Variants in GRM1 observed in about 807,000 individuals in gnomAD.
GRM1 encodes the protein glutamate metabotropic receptor 1.
A neutral mutation model predicts 90.9 loss-of-function variants in GRM1; 33 were observed. The observed-to-expected ratio is 0.36, with a 90% CI of 0.28 to 0.49. The LOEUF (loss-of-function observed/expected upper bound fraction) is 0.49. GRM1 is among the 20% of genes least tolerant of loss of function. The pLI, the probability that GRM1 is intolerant of heterozygous loss-of-function variation, is 0.99. For synonymous variants in GRM1, 700 were observed against 613.2 expected, an observed-to-expected ratio of 1.14 and a Z score of -2.09; for missense variants, 1,190 against 1,534.3, an observed-to-expected ratio of 0.78 and a Z score of 3.75.
chr6:146,145,541 T>C lies in GRM1; in HGVS notation c.701-13807T>C, dbSNP rs141404737. On this transcript the variant is annotated intron_variant, in intron 1 of 7. Transcript: ENST00000282753. ...CAGCTTGCACTGCAGCTCTGGTAAA[T>C]ATAAGTTGTAAACTTTGGTGGCGTC... 2.6e-3 allele frequency among the ~76,000 whole-genome samples: 391 copies of C among 152,284 alleles called. 4 individuals are homozygous for C. The highest frequency in any genetic ancestry group is 8.6e-3 in the African/African-American group (359 of 41,564).
chr6:146,274,684 A>G (rs774239784), intron 2 of GRM1, among the ~76,000 whole-genome samples: 4 of 152,196 alleles, frequency 2.6e-5, no homozygotes, highest in Non-Finnish European at 5.9e-5. Flanking sequence ...TATTTATCTC[A>G]TTTCAATGAT....
intron 2 of GRM1, among the ~76,000 whole-genome samples, chr6:146,247,234 G>A (rs1781091733): frequency 6.6e-6 from 1 of 152,106 alleles, no homozygotes; most frequent in East Asian, 1.9e-4. Flanking sequence ...AAATTCTCTG[G>A]GGAGGGAGGC....
intron 1 of GRM1, among the ~76,000 whole-genome samples, chr6:146,126,402 T>C (rs1029209864): frequency 1.3e-5 from 2 of 152,134 alleles, no homozygotes; most frequent in Non-Finnish European, 2.9e-5. Context: ...TGCACATATA[T>C]TTGTATACAA....
chr6:146,363,857 T>C (rs944999644), intron 5 of GRM1, among the ~76,000 whole-genome samples: 8 of 152,174 alleles, frequency 5.3e-5, no homozygotes, highest in African/African-American at 1.9e-4. Flanking sequence ...TGTCCAAATA[T>C]AGGATAACAA....
intron 1 of GRM1, among the ~76,000 whole-genome samples, chr6:146,115,181 G>A (rs953095793): frequency 4.0e-5 from 6 of 151,356 alleles, no homozygotes; most frequent in Non-Finnish European, 5.9e-5. Flanking sequence ...ATCTTAAAAT[G>A]CTCATAAGAA....
intron 6 of GRM1, 91 bp from the exon 7 acceptor site, chr6:146,398,677 CA>C: frequency 1.1e-6 from 1 of 876,618 alleles, no homozygotes; most frequent in East Asian, 2.4e-5. Flanking sequence ...ATGAAGGATG[CA>C]AAGATGACTG....
chr6:146,430,091 G>C (rs1446687544), intron 7 of GRM1, among the ~76,000 whole-genome samples: 1 of 152,138 alleles, frequency 6.6e-6, no homozygotes, highest in Non-Finnish European at 1.5e-5. Flanking sequence ...GATGTAACTA[G>C]TACTTACTGA....
intron 2 of GRM1, chr6:146,171,675 A>G: frequency 3.5e-6 from 1 of 285,864 alleles, no homozygotes; most frequent in East Asian, 1.0e-4. Flanking sequence ...GATGACTGGC[A>G]ACAACTAGAG....
chr6:146,322,924 A>C (rs1784252357), intron 3 of GRM1, among the ~76,000 whole-genome samples: 1 of 152,168 alleles, frequency 6.6e-6, no homozygotes, highest in Non-Finnish European at 1.5e-5. Flanking sequence ...CCTACAAAGG[A>C]CATGAACTCA....
intron 2 of GRM1, among the ~76,000 whole-genome samples, chr6:146,177,805 A>G (rs1358289759): frequency 2.0e-5 from 3 of 152,180 alleles, no homozygotes; most frequent in Non-Finnish European, 4.4e-5. Flanking sequence ...TCATAGTCAT[A>G]TAAGCACTTG....
intron 2 of GRM1, among the ~76,000 whole-genome samples, chr6:146,290,993 G>A (rs1184373251): frequency 2.6e-5 from 4 of 152,132 alleles, no homozygotes; most frequent in South Asian, 2.1e-4. Context: ...CCCCAAAAAT[G>A]TCTACATCAT....
intron 1 of GRM1, among the ~76,000 whole-genome samples, chr6:146,082,591 C>A (rs1199864604): frequency 1.3e-5 from 2 of 152,196 alleles, no homozygotes; most frequent in Non-Finnish European, 2.9e-5. Flanking sequence ...CAATCAATCA[C>A]CAAGTTCTAT....
intron 3 of GRM1, among the ~76,000 whole-genome samples, chr6:146,344,605 G>A (rs958517442): frequency 5.9e-5 from 9 of 151,918 alleles, no homozygotes; most frequent in African/African-American, 1.9e-4. Context: ...TTAGGCCCTC[G>A]GGAATTCTAA....
chr6:146,220,315 CA>C (rs1344890833), intron 2 of GRM1, among the ~76,000 whole-genome samples: 1 of 151,994 alleles, frequency 6.6e-6, no homozygotes, highest in Non-Finnish European at 1.5e-5. Context: ...GGTCCAATGC[CA>C]AAAGTCACTT....
At chr6:146,252,497 C>T (rs149600223) in intron 2 of GRM1, among the ~76,000 whole-genome samples, 1 of 151,894 alleles carries the variant, frequency 6.6e-6, no homozygotes, top group African/African-American at 2.4e-5. Flanking sequence ...ATTAGCCAGG[C>T]ATGGTGGTGG....
At chr6:146,414,682 G>A (rs1355538488) in intron 7 of GRM1, among the ~76,000 whole-genome samples, 1 of 152,222 alleles carries the variant, frequency 6.6e-6, no homozygotes, top group South Asian at 2.1e-4. Context: ...CATTACAGGT[G>A]TGAGCCACCA....
In GRM1 at chr6:146,225,693, T is replaced by C. The variant is rs572062962; in HGVS notation, c.950+66096T>C. Among the ~76,000 whole-genome samples the C allele has an allele frequency of 2.6e-5, 4 of 152,268 alleles. No homozygotes were observed. The South Asian group carries it at 6.2e-4, about 24-fold the overall frequency. ...CCAAATTTAATAATGAAAATAAATT[T>C]AAGTTCTGCCTAATTATGAAACTAT... On this transcript the variant is annotated intron_variant, in intron 2 of 7. Coordinates refer to ENST00000282753, the MANE Select transcript of GRM1 (RefSeq NM_001278064.2).
chr6:146,144,235 C>G (rs1777004468), intron 1 of GRM1, among the ~76,000 whole-genome samples: 1 of 152,172 alleles, frequency 6.6e-6, no homozygotes. Flanking sequence ...GGTGTCTCTT[C>G]TTAGAAGGCT....
intron 6 of GRM1, among the ~76,000 whole-genome samples, chr6:146,390,109 T>A (rs1004862985): frequency 3.9e-5 from 6 of 152,118 alleles, no homozygotes; most frequent in African/African-American, 1.4e-4. Flanking sequence ...AAATGAGAAA[T>A]CATTCTTCTT....
Sources: gnomAD v4.1 joint callset for allele counts (sites outside exome capture counted in the v4.1 genomes callset) on GRCh38, gnomAD v4.1.1 for gene constraint, MANE v1.5 for transcripts, NCBI Gene and HGNC (gene_info 2026-07-23, HGNC 2026-07-21) for gene names.